ECPAS: variants seen among roughly 807,000 people sequenced by gnomAD.
ECPAS encodes the protein Ecm29 proteasome adaptor and scaffold.
A neutral mutation model predicts 255.1 loss-of-function variants in ECPAS; 70 were observed. The observed-to-expected ratio is 0.27, with a 90% CI of 0.23 to 0.33. ECPAS has a LOEUF of 0.33. ECPAS is among the 10% of genes least tolerant of loss of function. ECPAS has a pLI of 1.00. For synonymous variants in ECPAS, 784 were observed against 775.0 expected (o/e 1.01, Z -0.19); for missense variants, 1,817 against 2,206.4 (o/e 0.82, Z 3.54).
chr9:111,473,337 T>C (rs1317551963), intron 1 of ECPAS, among the ~76,000 whole-genome samples: 2 of 152,200 alleles, frequency 1.3e-5, no homozygotes, highest in East Asian at 3.8e-4. Context: ...TTACATTAAT[T>C]AGAAGTGTTT....
chr9:111,398,235 T>TA (rs1241940472), intron 24 of ECPAS, among the ~76,000 whole-genome samples: 2 of 152,214 alleles, frequency 1.3e-5, no homozygotes, highest in Non-Finnish European at 2.9e-5. Flanking sequence ...TTAAAGGCTT[T>TA]AGTCCTACAG....
At chr9:111,413,436 T>C (rs1019596234) in intron 20 of ECPAS, among the ~76,000 whole-genome samples, 10 of 152,180 alleles carry the variant, frequency 6.6e-5, no homozygotes, top group Admixed American at 4.6e-4. Flanking sequence ...ACAAAAATTT[T>C]AAATGCATGT....
At chr9:111,423,893 G>C (rs1345342484) in intron 12 of ECPAS, among the ~76,000 whole-genome samples, 2 of 152,178 alleles carry the variant, frequency 1.3e-5, no homozygotes, top group Non-Finnish European at 2.9e-5. Flanking sequence ...TAAAGTTTAT[G>C]TGTTTATCCT....
intron 5 of ECPAS, among the ~76,000 whole-genome samples, chr9:111,441,406 A>G (rs1268330415): frequency 6.6e-6 from 1 of 151,414 alleles, no homozygotes; most frequent in Admixed American, 6.6e-5. Context: ...TCAGGAGGCT[A>G]AGGCAGGAGA....
At chr9:111,385,282 A>C (rs1262171703) in intron 33 of ECPAS, 55 bp downstream of exon 33, 1 of 872,460 alleles carries the variant, frequency 1.1e-6, no homozygotes, top group Non-Finnish European at 1.8e-6. Flanking sequence ...TAAATATTTT[A>C]ATAATTCCAA....
intron 17 of ECPAS, among the ~76,000 whole-genome samples, chr9:111,417,493 C>T (rs2098205715): frequency 6.6e-6 from 1 of 151,948 alleles, no homozygotes; most frequent in Non-Finnish European, 1.5e-5. Flanking sequence ...TGCCTGTAAA[C>T]CTAGCACTTT....
intron 25 of ECPAS, 30 bp from the exon 26 acceptor site, chr9:111,394,335 A>G (rs1409174838): frequency 6.7e-7 from 1 of 1,491,018 alleles, no homozygotes; most frequent in Non-Finnish European, 8.9e-7. Flanking sequence ...AATAACAAAG[A>G]ATTAAAATAA....
intron 29 of ECPAS, 79 bp downstream of exon 29, chr9:111,391,677 G>A (rs2098160418): frequency 1.1e-6 from 1 of 876,210 alleles, no homozygotes; most frequent in Non-Finnish European, 1.8e-6. Flanking sequence ...TCAACTTCAT[G>A]ACTGCTCTAT....
Position 111,404,398 on chromosome 9 carries a change from CA to C in ECPAS, c.2652+4172del, listed in dbSNP as rs1262752505. 3.3e-4 allele frequency among the ~76,000 whole-genome samples: 49 copies of C among 149,404 alleles called. 1 individual carries two copies. Among genetic ancestry groups the C allele is most frequent in the Admixed American group, 2.9e-3 (44 of 15,160 alleles). On this transcript the variant is annotated intron_variant, in intron 24 of 49. Coordinates refer to ENST00000684092, the MANE Select transcript of ECPAS (RefSeq NM_001364929.1). ...AGTTACAGGATACAAAATCAACATA[CA>C]AACAGTTGCATTATATGTGATATGC...
At chr9:111,375,776 C>A (rs1429001590) in intron 37 of ECPAS, among the ~76,000 whole-genome samples, 1 of 152,068 alleles carries the variant, frequency 6.6e-6, no homozygotes, top group African/African-American at 2.4e-5. Flanking sequence ...GGTAATACTC[C>A]CCCAGCAGGC....
At chr9:111,438,500 C>T (rs1396375046) in intron 6 of ECPAS, among the ~76,000 whole-genome samples, 1 of 152,102 alleles carries the variant, frequency 6.6e-6, no homozygotes, top group Non-Finnish European at 1.5e-5. Context: ...CCCAGCTACT[C>T]AGAAGGCTGA....
chr9:111,372,329 G>A, intron 42 of ECPAS, 100 bp downstream of exon 42: 1 of 1,125,870 alleles, frequency 8.9e-7, no homozygotes, highest in Non-Finnish European at 1.3e-6. Flanking sequence ...TTAAGGTCCT[G>A]GGAAAGTAAC....
chr9:111,371,538 T>A, intron 43 of ECPAS, 83 bp downstream of exon 43: 1 of 1,261,932 alleles, frequency 7.9e-7, no homozygotes, highest in Non-Finnish European at 1.1e-6. Context: ...TTGGAAAAGT[T>A]ACACAAAACC....
chr9:111,420,025 T>C lies in ECPAS; in HGVS notation c.1551A>G (p.Ala517=). ...CACCTTTTGAAACTTACGGATCTCCTGCAGCCAGTAGCAGCAAATATCTGG... is the reference window on the plus strand; with the variant it reads ...CACCTTTTGAAACTTACGGATCTCCCGCAGCCAGTAGCAGCAAATATCTGG... ...IPSRYLLLLA[A]GDPREEVHGE... Residue 517 remains alanine (A), a synonymous_variant, in exon 16 of 50, where the codon GCA becomes GCG. Coordinates refer to ENST00000684092, the MANE Select transcript of ECPAS (RefSeq NM_001364929.1). The C allele has an allele frequency of 6.2e-7, 1 of 1,609,944 alleles. No individual in the cohort carries two copies. The highest frequency in any genetic ancestry group is 2.2e-5 in the East Asian group (1 of 44,796).
chr9:111,417,803 T>G, intron 17 of ECPAS, 80 bp downstream of exon 17: 1 of 1,315,256 alleles, frequency 7.6e-7, no homozygotes, highest in Non-Finnish European at 1.0e-6. Context: ...ATCTAGTGAT[T>G]ACATTTTTCA....
At chr9:111,365,245 G>A (rs1589105374) in intron 48 of ECPAS, among the ~76,000 whole-genome samples, 1 of 152,014 alleles carries the variant, frequency 6.6e-6, no homozygotes, top group East Asian at 1.9e-4. Context: ...ACTCCAGCCT[G>A]GGTGACAGAG....
At chr9:111,471,438 A>C (rs1348107164) in intron 2 of ECPAS, among the ~76,000 whole-genome samples, 2 of 152,220 alleles carry the variant, frequency 1.3e-5, no homozygotes, top group Non-Finnish European at 2.9e-5. Context: ...AATGAATAAG[A>C]CATTTTGTAT....
intron 2 of ECPAS, among the ~76,000 whole-genome samples, chr9:111,468,359 T>C (rs1037856373): frequency 6.6e-6 from 1 of 152,166 alleles, no homozygotes; most frequent in Non-Finnish European, 1.5e-5. Flanking sequence ...ATTCAAACCC[T>C]AGACAGTCCA....
intron 35 of ECPAS, among the ~76,000 whole-genome samples, chr9:111,381,793 T>C (rs1033122890): frequency 6.6e-6 from 1 of 152,186 alleles, no homozygotes; most frequent in Non-Finnish European, 1.5e-5. Flanking sequence ...TCTGTTTCAT[T>C]AGCTTCTTAA....
Sources: gnomAD v4.1 joint callset for allele counts (sites outside exome capture counted in the v4.1 genomes callset) on GRCh38, gnomAD v4.1.1 for gene constraint, MANE v1.5 for transcripts, NCBI Gene and HGNC (gene_info 2026-07-23, HGNC 2026-07-21) for gene names.